The following DGKB variants were observed in gnomAD, a reference collection of about 807,000 sequenced individuals.
The protein encoded by DGKB is diacylglycerol kinase beta.
In DGKB, 67 loss-of-function variants were observed where a neutral mutation model predicts 114.3. The ratio of observed to expected loss-of-function variants is 0.59; its 90% CI spans 0.48 to 0.72. The LOEUF (loss-of-function observed/expected upper bound fraction) is 0.72. Ranked by LOEUF, DGKB falls within the 30% of genes least tolerant of loss-of-function variation. The pLI is 0.00. For missense variants in DGKB, 907 were observed against 975.2 expected (o/e 0.93, Z 0.93); for synonymous variants, 398 against 323.1 (o/e 1.23, Z -2.49).
chr7:14,342,682 A>C, intron 22 of DGKB, among the ~76,000 whole-genome samples: 1 of 151,916 alleles, frequency 6.6e-6, no homozygotes, highest in Non-Finnish European at 1.5e-5. Flanking sequence ...CAATGGAGAT[A>C]TAACAGTATC....
chr7:14,307,096 T>C (rs1041366990), intron 23 of DGKB, among the ~76,000 whole-genome samples: 1 of 152,206 alleles, frequency 6.6e-6, no homozygotes, highest in East Asian at 1.9e-4. Context: ...TTCCACCTTA[T>C]TTCTATTTGA....
At chr7:14,606,680 CAGAA>C (rs1319186975) in intron 17 of DGKB, among the ~76,000 whole-genome samples, 1 of 151,018 alleles carries the variant, frequency 6.6e-6, no homozygotes, top group Non-Finnish European at 1.5e-5. Context: ...CTCATGTTGA[CAGAA>C]AGAAAAGAGG....
chr7:14,752,994 C>T (rs962285339), intron 4 of DGKB, among the ~76,000 whole-genome samples: 2 of 152,086 alleles, frequency 1.3e-5, no homozygotes, highest in Admixed American at 1.3e-4. Flanking sequence ...GAAATGGAGG[C>T]TAGTAAATCT....
intron 2 of DGKB, among the ~76,000 whole-genome samples, chr7:14,831,856 G>A (rs560569731): frequency 7.2e-5 from 11 of 151,978 alleles, no homozygotes; most frequent in East Asian, 3.9e-4. Context: ...GCTTATTTAC[G>A]TTCCAAGAGG....
At chr7:14,675,506 G>C (rs1585561146) in intron 12 of DGKB, among the ~76,000 whole-genome samples, 2 of 152,032 alleles carry the variant, frequency 1.3e-5, no homozygotes, top group African/African-American at 4.8e-5. Context: ...GAGCTTACCA[G>C]AGTGTGTGTG....
At chr7:14,311,793 G>A (rs772417448) in intron 23 of DGKB, among the ~76,000 whole-genome samples, 2 of 151,940 alleles carry the variant, frequency 1.3e-5, no homozygotes, top group Non-Finnish European at 2.9e-5. Flanking sequence ...CAATGTTTCC[G>A]TATTTTTGGT....
intron 23 of DGKB, among the ~76,000 whole-genome samples, chr7:14,332,990 C>A (rs1809990322): frequency 6.6e-6 from 1 of 152,058 alleles, no homozygotes. Context: ...GTTTGAAACT[C>A]CATAATTTGA....
intron 25 of DGKB, among the ~76,000 whole-genome samples, chr7:14,160,768 C>A (rs903834245): frequency 6.6e-6 from 1 of 152,126 alleles, no homozygotes; most frequent in Non-Finnish European, 1.5e-5. Flanking sequence ...GAAAAAACTA[C>A]TTTAAATTTC....
chr7:14,477,941 T>C (rs1472730192), intron 21 of DGKB, among the ~76,000 whole-genome samples: 2 of 151,980 alleles, frequency 1.3e-5, no homozygotes, highest in Non-Finnish European at 2.9e-5. Flanking sequence ...GAGAATGAAA[T>C]AGAGATGACC....
chr7:14,648,839 A>C (rs13238272), intron 13 of DGKB, among the ~76,000 whole-genome samples: 5 of 128,100 alleles, frequency 3.9e-5, no homozygotes, highest in Admixed American at 8.6e-5. Flanking sequence ...CGAGAGCTAC[A>C]TGAAGAATGC....
intron 23 of DGKB, among the ~76,000 whole-genome samples, chr7:14,249,490 G>T (rs1189609053): frequency 1.3e-5 from 2 of 152,000 alleles, no homozygotes; most frequent in African/African-American, 4.8e-5. Context: ...TTGTTGGGAG[G>T]TTTTGATTAC....
At chr7:14,239,308 T>TTA (rs1793296818) in intron 23 of DGKB, among the ~76,000 whole-genome samples, 1 of 151,706 alleles carries the variant, frequency 6.6e-6, no homozygotes, top group South Asian at 2.1e-4. Context: ...AAAGTTTTTT[T>TTA]AAATGTTAAA....
At chr7:14,728,309 T>C (rs1830321153) in intron 5 of DGKB, among the ~76,000 whole-genome samples, 2 of 152,316 alleles carry the variant, frequency 1.3e-5, no homozygotes, top group South Asian at 4.1e-4. Context: ...TGTAATTATT[T>C]TCTGGCTTAA....
At chr7:14,331,664 T>A (rs1055001119) in intron 23 of DGKB, among the ~76,000 whole-genome samples, 4 of 152,142 alleles carry the variant, frequency 2.6e-5, no homozygotes, top group African/African-American at 9.7e-5. Context: ...TCACCACCAG[T>A]GAGCTCTTCC....
intron 14 of DGKB, among the ~76,000 whole-genome samples, chr7:14,629,555 C>T (rs971755056): frequency 6.6e-6 from 1 of 151,948 alleles, no homozygotes; most frequent in Non-Finnish European, 1.5e-5. Context: ...TTTAGGGAAA[C>T]AATACCATTT....
chr7:14,584,898 G>T (rs1426635174), intron 17 of DGKB, among the ~76,000 whole-genome samples: 2 of 152,000 alleles, frequency 1.3e-5, no homozygotes, highest in East Asian at 3.9e-4. Flanking sequence ...GACCTCAGGT[G>T]ATCCATTCTC....
chr7:14,964,940 T>A (rs919026474), intron 1 of DGKB, among the ~76,000 whole-genome samples: 1 of 152,042 alleles, frequency 6.6e-6, no homozygotes, highest in African/African-American at 2.4e-5. Flanking sequence ...ACAATTTGAA[T>A]AGCATAAAGA....
intron 23 of DGKB, among the ~76,000 whole-genome samples, chr7:14,332,612 G>A (rs1206426807): frequency 6.6e-6 from 1 of 152,078 alleles, no homozygotes; most frequent in Admixed American, 6.6e-5. Flanking sequence ...AGAAAATTTT[G>A]ATTAACATTA....
At chr7:14,295,830 T>A (rs1802449932) in intron 23 of DGKB, among the ~76,000 whole-genome samples, 1 of 152,054 alleles carries the variant, frequency 6.6e-6, no homozygotes, top group Non-Finnish European at 1.5e-5. Flanking sequence ...ACATTAAGTA[T>A]TTCTTCTGAT....
Sources: allele counts gnomAD v4.1 joint callset (sites outside exome capture counted in the v4.1 genomes callset), GRCh38; gene constraint gnomAD v4.1.1; transcripts MANE v1.5; gene names NCBI Gene and HGNC (gene_info 2026-07-23, HGNC 2026-07-21).